The following FRMPD3 variants were observed in gnomAD, a reference collection of about 807,000 sequenced individuals.
The protein encoded by FRMPD3 is FERM and PDZ domain containing 3.
A neutral mutation model predicts 97.9 loss-of-function variants in FRMPD3; 42 were observed. That is an observed-to-expected ratio of 0.43 (90% CI 0.34 to 0.55). The LOEUF is 0.55. Among genes scored for constraint, FRMPD3 ranks in the 20% least tolerant of loss-of-function variants. FRMPD3 has a pLI of 0.03. For missense variants in FRMPD3, 1,303 were observed against 1,457.7 expected (o/e 0.89, Z 1.73); for synonymous variants, 577 against 581.1 (o/e 0.99, Z 0.10).
At position 107,600,471 on chromosome X, in the gene FRMPD3, G is replaced by C. The variant is rs775299172; in HGVS notation, c.2432G>C (p.Arg811Pro). The change falls in exon 15 of 15, where the codon CGC becomes CCC. Residue 811 changes from arginine (R) to proline (P), a missense_variant. Arg to Pro is a moderately radical substitution (Grantham distance 103, BLOSUM62 -2). This residue lies in a region of FRMPD3 where 764 missense variants were observed against 820.2 expected (regional missense o/e 0.93). Transcript: ENST00000683843. Reference sequence around the variant, plus strand: ...CTCAACAAGGACAGCCTCCTTGCCCGCAAGGACCTGCCCTTCCGGATCCAG... The same window carrying C: ...CTCAACAAGGACAGCCTCCTTGCCCCCAAGGACCTGCCCTTCCGGATCCAG... ...QHLNKDSLLA[R>P]KDLPFRIQSC... 4.9e-5 allele frequency: 59 copies of C among 1,208,502 alleles called. No individual in the cohort carries two copies. The highest frequency in any genetic ancestry group is 6.1e-5 in the Non-Finnish European group (55 of 894,834).
chrX:107,496,286 T>G, intron 1 of FRMPD3, among the ~76,000 whole-genome samples: 1 of 111,338 alleles, frequency 9.0e-6, no homozygotes, highest in Non-Finnish European at 1.9e-5. Context: ...TTCTGGGAGA[T>G]GGTGCCACAG....
At chrX:107,503,245 T>G (rs1921956932) in intron 1 of FRMPD3, among the ~76,000 whole-genome samples, 1 of 112,446 alleles carries the variant, frequency 8.9e-6, no homozygotes, top group Non-Finnish European at 1.9e-5. Context: ...TTAACCCCCA[T>G]GCCTACACAG....
At position 107,500,798 on chromosome X, in the gene FRMPD3, ACT is replaced by A. The variant is rs1299877648; in HGVS notation, c.-7-25781_-7-25780del. 1.7e-3 allele frequency among the ~76,000 whole-genome samples: 154 copies of A among 90,592 alleles called. 1 individual carries two copies. Among genetic ancestry groups the A allele is most frequent in the African/African-American group, 6.6e-3 (147 of 22,349 alleles). The allele number at this position is 90,592 out of a possible 115,157, so 78.7% of individuals were successfully genotyped here. A position where few individuals can be genotyped will look rare whatever the true frequency, so the allele number is the denominator to read the frequency against. ...ACTCCAGCCTGGGCGACAGAGTAAG[ACT>A]CTGTCAAAAAAAAAAAAAAAAAAAA... On this transcript the variant is annotated intron_variant, in intron 1 of 14. Transcript: ENST00000683843.
chrX:107,562,107 T>C, intron 10 of FRMPD3, among the ~76,000 whole-genome samples: 1 of 112,511 alleles, frequency 8.9e-6, no homozygotes, highest in Non-Finnish European at 1.9e-5. Context: ...TCCGTGGGCA[T>C]GGGTCATGGG....
chrX:107,461,716 C>G (rs1931475517), intron 1 of FRMPD3, among the ~76,000 whole-genome samples: 1 of 110,207 alleles, frequency 9.1e-6, no homozygotes, highest in South Asian at 3.9e-4. Flanking sequence ...AGCTCCTCCT[C>G]CTGGTATATG....
intron 14 of FRMPD3, among the ~76,000 whole-genome samples, chrX:107,599,039 G>A (rs987814259): frequency 5.4e-5 from 6 of 111,386 alleles, no homozygotes; most frequent in Non-Finnish European, 1.1e-4. Flanking sequence ...TTTGGAGGCC[G>A]AGGTGGGCAG....
chrX:107,465,106 A>G (rs759757638), intron 1 of FRMPD3, among the ~76,000 whole-genome samples: 1 of 111,756 alleles, frequency 8.9e-6, no homozygotes, highest in South Asian at 3.8e-4. Context: ...GTGAAGAACA[A>G]AGTCACAAAT....
intron 5 of FRMPD3, among the ~76,000 whole-genome samples, chrX:107,548,544 G>T (rs1470946336): frequency 8.9e-6 from 1 of 112,763 alleles, no homozygotes; most frequent in Admixed American, 9.4e-5. Flanking sequence ...CAGGAACTTT[G>T]TTTAGTGTTG....
intron 1 of FRMPD3, among the ~76,000 whole-genome samples, chrX:107,457,188 T>G (rs1045254172): frequency 2.7e-5 from 3 of 110,881 alleles, no homozygotes; most frequent in Non-Finnish European, 1.9e-5. Flanking sequence ...AGGAGGAACT[T>G]TCTCACTTTC....
chrX:107,545,816 A>T lies in FRMPD3; in HGVS notation c.377A>T (p.Gln126Leu). 3.3e-6 allele frequency: 4 copies of T among 1,209,124 alleles called. No individual in the cohort carries two copies. The highest frequency in any genetic ancestry group is 4.5e-6 in the Non-Finnish European group (4 of 893,823). ...SNPVKVRFSE[Q>L]VAVGETDAKM... ...CCTGTGAAGGTTCGATTTTCTGAGC[A>T]GGTGGCAGTTGGAGAAACAGATGCA... Residue 126 changes from glutamine (Q) to leucine (L), a missense_variant, in exon 5 of 15, where the codon CAG (glutamine) becomes CTG (leucine). Coordinates refer to ENST00000683843, the MANE Select transcript of FRMPD3 (RefSeq NM_001388459.1).
intron 1 of FRMPD3, among the ~76,000 whole-genome samples, chrX:107,466,601 T>A (rs894154056): frequency 8.9e-6 from 1 of 112,309 alleles, no homozygotes; most frequent in East Asian, 2.8e-4. Context: ...TTCCCTTCAG[T>A]GGGACTGAGA....
chrX:107,458,085 C>T (rs1028445834), intron 1 of FRMPD3, among the ~76,000 whole-genome samples: 20 of 111,506 alleles, frequency 1.8e-4, no homozygotes, highest in Admixed American at 4.8e-4. Context: ...GCTCCTCTGC[C>T]GTCTGGAACA....
At chrX:107,494,135 C>G (rs769767581) in intron 1 of FRMPD3, among the ~76,000 whole-genome samples, 1 of 111,929 alleles carries the variant, frequency 8.9e-6, no homozygotes, top group Non-Finnish European at 1.9e-5. Context: ...GTCTACCAGT[C>G]CCAGAGGTTG....
chrX:107,576,302 T>C lies in FRMPD3; in HGVS notation c.1297-13T>C, dbSNP rs1334568263. 1 of 1,208,494 alleles carries C rather than the reference T, an allele frequency of 8.3e-7. No homozygotes were observed. ...TTCCCATGTCTTCATGTTTCTTCCC[T>C]TCTCTTCTGCAGCCTCTGGTGCTGT... On this transcript the variant is annotated splice_polypyrimidine_tract_variant and intron_variant, in intron 12 of 14. Coordinates refer to ENST00000683843, the MANE Select transcript of FRMPD3 (RefSeq NM_001388459.1).
chrX:107,489,573 T>C (rs1921601545), intron 1 of FRMPD3, among the ~76,000 whole-genome samples: 1 of 112,506 alleles, frequency 8.9e-6, no homozygotes, highest in Admixed American at 9.4e-5. Flanking sequence ...GATTTGCATT[T>C]CTCTGATGGC....
chrX:107,595,937 C>CAAAA (rs377196495), intron 13 of FRMPD3, among the ~76,000 whole-genome samples: 1 of 51,576 alleles, frequency 1.9e-5, no homozygotes, highest in Non-Finnish European at 4.0e-5. Context: ...GACTCCGTCT[C>CAAAA]AAAAAAAAAA....
intron 8 of FRMPD3, among the ~76,000 whole-genome samples, chrX:107,558,659 A>G (rs1405520183): frequency 9.0e-6 from 1 of 111,655 alleles, no homozygotes; most frequent in Non-Finnish European, 1.9e-5. Context: ...TAAAAATATA[A>G]TATAATAACT....
intron 1 of FRMPD3, among the ~76,000 whole-genome samples, chrX:107,519,403 G>A (rs751706290): frequency 4.5e-5 from 5 of 111,466 alleles, no homozygotes; most frequent in African/African-American, 1.6e-4. Context: ...TGTCTGAGGT[G>A]GGATTGCTTG....
chrX:107,484,070 G>A (rs1341609102), intron 1 of FRMPD3, among the ~76,000 whole-genome samples: 1 of 112,237 alleles, frequency 8.9e-6, no homozygotes, highest in East Asian at 2.8e-4. Context: ...ACCCCCATGG[G>A]GTGGTGGGGG....
Sources: gnomAD v4.1 joint callset for allele counts (sites outside exome capture counted in the v4.1 genomes callset) on GRCh38, gnomAD v4.1.1 for gene constraint, gnomAD v4.1.1 regional missense constraint, MANE v1.5 for transcripts, NCBI Gene and HGNC (gene_info 2026-07-23, HGNC 2026-07-21) for gene names.